GM2A: variants seen among roughly 807,000 people sequenced by gnomAD.
GM2A encodes ganglioside GM2 activator, also known as GM2 ganglioside activator.
A neutral mutation model predicts 12.9 loss-of-function variants in GM2A; 7 were observed. The ratio of observed to expected loss-of-function variants is 0.54; its 90% confidence interval spans 0.31 to 1.02. The LOEUF is 1.02. Ranked by LOEUF, GM2A falls within the 50% of genes least tolerant of loss-of-function variation. GM2A has a pLI of 0.05. For synonymous variants in GM2A, 101 were observed against 96.0 expected, an observed-to-expected ratio of 1.05 and a Z score of -0.30; for missense variants, 246 against 241.0, an observed-to-expected ratio of 1.02 and a Z score of -0.14.
At chr5:151,260,244 G>T (rs938514974) in intron 2 of GM2A, among the ~76,000 whole-genome samples, 4 of 152,258 alleles carry the variant, frequency 2.6e-5, no homozygotes, top group South Asian at 2.1e-4. Context: ...GGCCAATTTG[G>T]TTTTGTTGTT....
chr5:151,268,160 G>T lies in GM2A; in HGVS notation c.*709G>T, dbSNP rs1360017895. The T allele has an allele frequency of 2.3e-6, 2 of 883,920 alleles. No individual in the cohort carries two copies. The highest frequency in any genetic ancestry group is 1.3e-6 in the Non-Finnish European group (1 of 783,124). 54.8% of individuals were successfully genotyped at this position (883,920 alleles called of 1,614,324 possible). On this transcript the variant is annotated 3_prime_UTR_variant, in exon 4 of 4. Coordinates refer to ENST00000357164, the MANE Select transcript of GM2A (RefSeq NM_000405.5). Reference sequence around the variant, plus strand: ...CTTCCAGGCTTGATTTCGATTTTTCGCTTTTTTTTTTTTTGAGACAGAATC... The same window carrying T: ...CTTCCAGGCTTGATTTCGATTTTTCTCTTTTTTTTTTTTTGAGACAGAATC...
At chr5:151,256,684 G>C (rs1753694337) in intron 1 of GM2A, among the ~76,000 whole-genome samples, 1 of 151,482 alleles carries the variant, frequency 6.6e-6, no homozygotes, top group Non-Finnish European at 1.5e-5. Flanking sequence ...TTCCCTGTTA[G>C]CATCTTATAT....
chr5:151,253,419 C>A (rs1753627335), intron 1 of GM2A, 122 bp downstream of exon 1: 2 of 730,436 alleles, frequency 2.7e-6, no homozygotes, highest in African/African-American at 1.7e-5. Context: ...TGCACTAGAG[C>A]CTTCCAAAGT....
rs758195639 is a variant in GM2A at position 151,267,377 on chromosome 5, A to G, written c.508A>G (p.Ile170Val). Residue 170 changes from isoleucine to valine, a missense_variant, in exon 4 of 4, where the codon ATA becomes GTA. Coordinates refer to ENST00000357164, the MANE Select transcript of GM2A (RefSeq NM_000405.5). ...PSWLTTGNYR[I>V]ESVLSSSGKR... Reference sequence around the variant, plus strand: ...TTGGCTCACCACCGGGAACTACCGCATAGAGAGCGTCCTGAGCAGCAGTGG... The same window carrying G: ...TTGGCTCACCACCGGGAACTACCGCGTAGAGAGCGTCCTGAGCAGCAGTGG... 4 of 1,614,094 alleles carry G rather than the reference A, an allele frequency of 2.5e-6. No homozygotes were observed. Among genetic ancestry groups the G allele is most frequent in the African/African-American group, 1.3e-5 (1 of 74,932 alleles).
At chr5:151,265,719 G>A (rs2127239714) in intron 2 of GM2A, among the ~76,000 whole-genome samples, 1 of 152,320 alleles carries the variant, frequency 6.6e-6, no homozygotes, top group Non-Finnish European at 1.5e-5. Flanking sequence ...GTCAGCTTCA[G>A]CCTCCAAAAC....
In GM2A at chr5:151,269,274, T is replaced by G. The variant is rs1360809506; in HGVS notation, c.*1823T>G. On this transcript the variant is annotated 3_prime_UTR_variant, in exon 4 of 4. Coordinates refer to ENST00000357164, the MANE Select transcript of GM2A (RefSeq NM_000405.5). ...CCCTTGCCTTGGCTGCATATTTCACTGATCACATCTCAGGATTTCAAAAGC... is the reference window on the plus strand; with the variant it reads ...CCCTTGCCTTGGCTGCATATTTCACGGATCACATCTCAGGATTTCAAAAGC... 6.1e-6 allele frequency: 6 copies of G among 985,492 alleles called. No homozygotes were observed. The highest frequency in any genetic ancestry group is 7.2e-6 in the Non-Finnish European group (6 of 829,958). 61.0% of individuals were successfully genotyped at this position (985,492 alleles called of 1,614,324 possible).
Position 151,259,740 on chromosome 5 carries a change from C to T in GM2A, c.82-15C>T, listed in dbSNP as rs369106753. On this transcript the variant is annotated splice_polypyrimidine_tract_variant and intron_variant, in intron 1 of 3. Transcript: ENST00000357164. ...TTTTTCTTCTTCTCCTTCCTTGCTGCCTGATTGTCCCCAGCCATCCCAGCT... is the reference window on the plus strand; with the variant it reads ...TTTTTCTTCTTCTCCTTCCTTGCTGTCTGATTGTCCCCAGCCATCCCAGCT... 116 of 1,611,936 alleles carry T rather than the reference C, an allele frequency of 7.2e-5. 1 individual carries two copies. The highest frequency in any genetic ancestry group is 8.6e-5 in the Non-Finnish European group (101 of 1,178,194).
At chr5:151,265,474 G>A (rs1265057970) in intron 2 of GM2A, among the ~76,000 whole-genome samples, 3 of 152,192 alleles carry the variant, frequency 2.0e-5, no homozygotes, top group Admixed American at 2.0e-4. Flanking sequence ...AGAGCTGAAA[G>A]GGATCCTAAA....
chr5:151,262,190 A>G (rs890355029), intron 2 of GM2A, among the ~76,000 whole-genome samples: 1 of 152,216 alleles, frequency 6.6e-6, no homozygotes, highest in African/African-American at 2.4e-5. Flanking sequence ...CTTTTCATAT[A>G]TCCATTGCAA....
rs763236680 is a variant in GM2A, at chr5:151,270,342, A to G, written c.*2891A>G. The G allele has an allele frequency of 1.8e-5, 7 of 398,864 alleles. No individual in the cohort carries two copies. The highest frequency in any genetic ancestry group is 2.2e-5 in the Non-Finnish European group (5 of 226,398). The allele number at this position is 398,864 out of a possible 1,614,324, so 24.7% of individuals were successfully genotyped here. ...AATATCCAGTGGCAACAAAATATTG[A>G]CACATTTGACTACATGAAGATAATA... On this transcript the variant is annotated 3_prime_UTR_variant, in exon 4 of 4. Coordinates refer to ENST00000357164, the MANE Select transcript of GM2A (RefSeq NM_000405.5).
In GM2A at chr5:151,270,227, C is replaced by T; in HGVS notation, c.*2776C>T. ...GAAAGTTGAAGTTAGACCTGTACTTCACACCATATGCAAGAATGAACTCCA... is the reference window on the plus strand; with the variant it reads ...GAAAGTTGAAGTTAGACCTGTACTTTACACCATATGCAAGAATGAACTCCA... On this transcript the variant is annotated 3_prime_UTR_variant, in exon 4 of 4. Coordinates refer to ENST00000357164, the MANE Select transcript of GM2A (RefSeq NM_000405.5). 1 of 559,878 alleles carries T rather than the reference C, an allele frequency of 1.8e-6. No individual in the cohort carries two copies. The highest frequency in any genetic ancestry group is 3.5e-5 in the East Asian group (1 of 28,718). The allele number at this position is 559,878 out of a possible 1,614,324, so 34.7% of individuals were successfully genotyped here. A position where few individuals can be genotyped will look rare whatever the true frequency, so the allele number is the denominator to read the frequency against.
intron 2 of GM2A, among the ~76,000 whole-genome samples, chr5:151,263,151 C>T (rs920364931): frequency 2.3e-5 from 3 of 132,222 alleles, no homozygotes; most frequent in East Asian, 2.2e-4. Flanking sequence ...GGAGTGTAGT[C>T]GCGCGATCAT....
intron 2 of GM2A, among the ~76,000 whole-genome samples, chr5:151,262,969 T>C (rs1240300637): frequency 6.6e-6 from 1 of 152,192 alleles, no homozygotes; most frequent in African/African-American, 2.4e-5. Flanking sequence ...ATTCTCCTTT[T>C]CCATTGCTTT....
At position 151,269,651 on chromosome 5, in the gene GM2A, T is replaced by C. The variant is rs145689253; in HGVS notation, c.*2200T>C. The C allele has an allele frequency of 1.1e-5, 2 of 178,120 alleles. No individual in the cohort carries two copies. Among genetic ancestry groups the C allele is most frequent in the East Asian group, 3.8e-4 (2 of 5,282 alleles). The allele number at this position is 178,120 out of a possible 1,614,324, so 11.0% of individuals were successfully genotyped here. A position where few individuals can be genotyped will look rare whatever the true frequency, so the allele number is the denominator to read the frequency against. Reference sequence around the variant, plus strand: ...TTTCCTATTATCTAAAGCAGGCATCTGGTTCCAGATTTCTTTTCCCCGAAA... The same window carrying C: ...TTTCCTATTATCTAAAGCAGGCATCCGGTTCCAGATTTCTTTTCCCCGAAA... On this transcript the variant is annotated 3_prime_UTR_variant, in exon 4 of 4. Transcript: ENST00000357164.
At chr5:151,253,324 G>C (rs185316713) in intron 1 of GM2A, 27 bp downstream of exon 1, 5 of 1,547,408 alleles carry the variant, frequency 3.2e-6, no homozygotes, top group African/African-American at 1.4e-5. Context: ...TTAAGAGTCT[G>C]TTTGCAGCCT....
chr5:151,269,275 G>T lies in GM2A; in HGVS notation c.*1824G>T. ...CCTTGCCTTGGCTGCATATTTCACT[G>T]ATCACATCTCAGGATTTCAAAAGCA... On this transcript the variant is annotated 3_prime_UTR_variant, in exon 4 of 4. Transcript: ENST00000357164. 1.0e-6 allele frequency: 1 copy of T among 985,422 alleles called. No homozygotes were observed. The highest frequency in any genetic ancestry group is 1.2e-6 in the Non-Finnish European group (1 of 829,974). 61.0% of individuals were successfully genotyped at this position (985,422 alleles called of 1,614,324 possible). A position where few individuals can be genotyped will look rare whatever the true frequency, so the allele number is the denominator to read the frequency against.
rs141970379 is a variant in GM2A, at chr5:151,263,026, T to G, written c.243+3110T>G. Among the ~76,000 whole-genome samples the G allele has an allele frequency of 2.4e-3, 363 of 152,192 alleles. 2 individuals are homozygous for G. The highest frequency in any genetic ancestry group is 8.3e-3 in the African/African-American group (346 of 41,538). On this transcript the variant is annotated intron_variant, in intron 2 of 3. Coordinates refer to ENST00000357164, the MANE Select transcript of GM2A (RefSeq NM_000405.5). ...CCTACATAATCTCCTCTGTCTTTAC[T>G]GTCACTTGTGCTTAGGAAAAATTAG...
chr5:151,256,023 T>C (rs1280065017), intron 1 of GM2A, among the ~76,000 whole-genome samples: 15 of 152,000 alleles, frequency 9.9e-5, no homozygotes, highest in Admixed American at 9.8e-4. Flanking sequence ...TGACCTTGAG[T>C]CCCTGGGCCA....
rs372781289 is a variant in GM2A, at chr5:151,253,331, G to A, written c.81+34G>A. 2.0e-6 allele frequency: 3 copies of A among 1,496,450 alleles called. No individual in the cohort carries two copies. The African/African-American group carries it at 4.1e-5, about 21-fold the overall frequency. 92.7% of individuals were successfully genotyped at this position (1,496,450 alleles called of 1,614,324 possible). A position where few individuals can be genotyped will look rare whatever the true frequency, so the allele number is the denominator to read the frequency against. ...ACCCTCTTTTAAGAGTCTGTTTGCA[G>A]CCTCCTGGCCCAGCTACGGGTGTGC... On this transcript the variant is annotated intron_variant, in intron 1 of 3. Coordinates refer to ENST00000357164, the MANE Select transcript of GM2A (RefSeq NM_000405.5).
Sources: allele counts gnomAD v4.1 joint callset (sites outside exome capture counted in the v4.1 genomes callset), GRCh38; gene constraint gnomAD v4.1.1; transcripts MANE v1.5; gene names NCBI Gene and HGNC (gene_info 2026-07-23, HGNC 2026-07-21).